The following PCP4 variants were observed in gnomAD, a reference collection of about 807,000 sequenced individuals.
The protein encoded by PCP4 is calmodulin regulator protein PCP4.
Under a neutral mutation model 10.0 loss-of-function variants are expected in PCP4, and 8 were observed. The observed-to-expected ratio is 0.80, with a 90% CI of 0.47 to 1.45. The LOEUF is 1.45. Ranked by LOEUF, PCP4 falls within the 40% of genes most tolerant of loss-of-function variation. The probability of loss-of-function intolerance (pLI) is 0.00; values close to 1 mark genes in which losing one functional copy is unlikely to be tolerated. For synonymous variants in PCP4, 21 were observed against 23.0 expected (o/e 0.91, Z 0.24); for missense variants, 54 against 74.4 (o/e 0.73, Z 1.01).
chr21:39,927,775 T>A (rs1447516828), intron 2 of PCP4, among the ~76,000 whole-genome samples: 1 of 152,086 alleles, frequency 6.6e-6, no homozygotes, highest in African/African-American at 2.4e-5. Flanking sequence ...AAGGCCTCCT[T>A]TGTCCTTGGA....
intron 1 of PCP4, among the ~76,000 whole-genome samples, chr21:39,872,779 A>G (rs368203258): frequency 1.3e-5 from 2 of 152,334 alleles, no homozygotes; most frequent in South Asian, 2.1e-4. Flanking sequence ...TCAATAGGCC[A>G]GGCACCCTCT....
chr21:39,909,277 G>A (rs1354426516), intron 2 of PCP4, among the ~76,000 whole-genome samples: 13 of 151,802 alleles, frequency 8.6e-5, no homozygotes, highest in Admixed American at 5.9e-4. Flanking sequence ...CTTTTTCCTC[G>A]GGCAGATCCT....
chr21:39,903,436 C>T (rs977235337), intron 2 of PCP4, among the ~76,000 whole-genome samples: 3 of 152,174 alleles, frequency 2.0e-5, no homozygotes, highest in Non-Finnish European at 4.4e-5. Context: ...GACTCACTGT[C>T]GTTGTGTTTC....
intron 2 of PCP4, among the ~76,000 whole-genome samples, chr21:39,903,724 CG>C (rs1332631222): frequency 6.6e-6 from 1 of 151,496 alleles, no homozygotes; most frequent in Non-Finnish European, 1.5e-5. Context: ...AAAAATTATC[CG>C]GGCGCGGTGG....
chr21:39,882,033 G>A (rs1040724602), intron 1 of PCP4, among the ~76,000 whole-genome samples: 3 of 152,228 alleles, frequency 2.0e-5, no homozygotes, highest in African/African-American at 7.2e-5. Flanking sequence ...TTGTTTCCAT[G>A]AGAGTGTTTA....
At chr21:39,910,888 A>G (rs987435196) in intron 2 of PCP4, among the ~76,000 whole-genome samples, 12 of 152,098 alleles carry the variant, frequency 7.9e-5, no homozygotes, top group Non-Finnish European at 1.5e-4. Context: ...GTGAATTCCC[A>G]TTTGTTCTGT....
intron 1 of PCP4, among the ~76,000 whole-genome samples, chr21:39,873,398 A>G (rs1033254971): frequency 1.8e-4 from 27 of 152,186 alleles, no homozygotes; most frequent in South Asian, 6.2e-4. Context: ...TCTTAATAGC[A>G]TACTCATAAT....
In PCP4 at chr21:39,880,106, CTATCTA is replaced by C. The variant is rs1197131951; in HGVS notation, c.9+12614_9+12619del. Among the ~76,000 whole-genome samples, 144 of 142,086 alleles carry C rather than the reference CTATCTA, an allele frequency of 1.0e-3. 1 individual carries two copies. The highest frequency in any genetic ancestry group is 3.8e-3 in the Middle Eastern group (1 of 266). The allele number at this position is 142,086 out of a possible 152,430, so 93.2% of individuals were successfully genotyped here. ...TTGCAATGTCTGGAGATATCTATATCTATCTATATCTATATCTATATCTGTATCTAT... is the reference window on the plus strand; with the variant it reads ...TTGCAATGTCTGGAGATATCTATATCTATCTATATCTATATCTGTATCTAT... On this transcript the variant is annotated intron_variant, in intron 1 of 2. Transcript: ENST00000328619.
At chr21:39,886,643 T>G (rs1450479491) in intron 1 of PCP4, among the ~76,000 whole-genome samples, 1 of 152,148 alleles carries the variant, frequency 6.6e-6, no homozygotes, top group African/African-American at 2.4e-5. Context: ...TATGTAAGAT[T>G]TGAAAAGTCA....
intron 1 of PCP4, among the ~76,000 whole-genome samples, chr21:39,884,569 G>A (rs962726077): frequency 1.3e-5 from 2 of 152,102 alleles, no homozygotes; most frequent in Non-Finnish European, 2.9e-5. Flanking sequence ...GGCTGAGGCA[G>A]GCAGGTCACC....
rs60416912 is a variant in PCP4, at chr21:39,873,033, C to T, written c.9+5523C>T. Among the ~76,000 whole-genome samples the T allele has an allele frequency of 1.9e-3, 288 of 152,158 alleles. 3 individuals carry two copies. Among genetic ancestry groups the T allele is most frequent in the East Asian group, 0.011 (58 of 5,186 alleles). On this transcript the variant is annotated intron_variant, in intron 1 of 2. Coordinates refer to ENST00000328619, the MANE Select transcript of PCP4 (RefSeq NM_006198.3). ...GAAAATGTCAGGGAAAATATGGGAA[C>T]GGAGCAAGGGACGTAGAATTCTAAT...
intron 1 of PCP4, among the ~76,000 whole-genome samples, chr21:39,891,749 G>A (rs1000134466): frequency 6.6e-6 from 1 of 152,202 alleles, no homozygotes; most frequent in Admixed American, 6.5e-5. Context: ...TACAGGATAG[G>A]GGGCCCTTCC....
chr21:39,878,461 C>T (rs1329666530), intron 1 of PCP4, among the ~76,000 whole-genome samples: 2 of 152,154 alleles, frequency 1.3e-5, no homozygotes, highest in Non-Finnish European at 2.9e-5. Context: ...TGAACTCCTG[C>T]CTGGTGATAA....
At chr21:39,917,726 A>AT (rs1394654179) in intron 2 of PCP4, among the ~76,000 whole-genome samples, 7 of 151,826 alleles carry the variant, frequency 4.6e-5, no homozygotes, top group Non-Finnish European at 7.4e-5. Flanking sequence ...GATTGTCTCC[A>AT]TTTTTTTCTT....
At chr21:39,925,991 A>T in intron 2 of PCP4, 1 of 455,602 alleles carries the variant, frequency 2.2e-6, no homozygotes, top group Non-Finnish European at 4.4e-6. Flanking sequence ...GCCACAGACC[A>T]TTTGTACTGA....
At chr21:39,888,628 C>T (rs1046570312) in intron 1 of PCP4, among the ~76,000 whole-genome samples, 24 of 152,192 alleles carry the variant, frequency 1.6e-4, no homozygotes, top group African/African-American at 5.8e-4. Context: ...TCCCCCGCTG[C>T]CCCCGATGTC....
intron 2 of PCP4, among the ~76,000 whole-genome samples, chr21:39,900,031 C>T (rs79564747): frequency 2.6e-5 from 4 of 151,924 alleles, no homozygotes; most frequent in East Asian, 3.9e-4. Context: ...CCTCTATTGT[C>T]GTGATTCTCA....
chr21:39,893,687 A>G (rs1451355158), intron 1 of PCP4, among the ~76,000 whole-genome samples: 2 of 152,228 alleles, frequency 1.3e-5, no homozygotes, highest in Non-Finnish European at 2.9e-5. Context: ...ATGGTGAAAT[A>G]AGGACAATGT....
At chr21:39,894,964 C>A (rs1393486063) in intron 1 of PCP4, among the ~76,000 whole-genome samples, 1 of 152,166 alleles carries the variant, frequency 6.6e-6, no homozygotes, top group African/African-American at 2.4e-5. Flanking sequence ...GAATGACCTA[C>A]CTCCGTCTGT....
Sources: allele counts gnomAD v4.1 joint callset (sites outside exome capture counted in the v4.1 genomes callset), GRCh38; gene constraint gnomAD v4.1.1; transcripts MANE v1.5; gene names NCBI Gene and HGNC (gene_info 2026-07-23, HGNC 2026-07-21).